BMPR2: variants seen among roughly 807,000 people sequenced by gnomAD.
The protein encoded by BMPR2 is bone morphogenetic protein receptor type-2.
Under a neutral mutation model 100.8 loss-of-function variants are expected in BMPR2, and 29 were observed. That is an observed-to-expected ratio of 0.29 (90% CI 0.21 to 0.39). The LOEUF is 0.39. Among genes scored for constraint, BMPR2 ranks in the 10% least tolerant of loss-of-function variants. BMPR2 has a pLI of 1.00. For synonymous variants in BMPR2, 382 were observed against 442.3 expected, an observed-to-expected ratio of 0.86 and a Z score of 1.71; for missense variants, 1,011 against 1,274.5, an observed-to-expected ratio of 0.79 and a Z score of 3.15.
At chr2:202,412,868 TAAGGC>T (rs1295993157) in intron 1 of BMPR2, among the ~76,000 whole-genome samples, 1 of 152,184 alleles carries the variant, frequency 6.6e-6, no homozygotes, top group Non-Finnish European at 1.5e-5. Flanking sequence ...AATATGAAAT[TAAGGC>T]AGGAAGAGGA....
At chr2:202,387,282 C>T (rs1215428162) in intron 1 of BMPR2, among the ~76,000 whole-genome samples, 1 of 152,174 alleles carries the variant, frequency 6.6e-6, no homozygotes, top group East Asian at 1.9e-4. Context: ...TGAAGAGACA[C>T]ATGAGCATTT....
chr2:202,499,906 C>T (rs1159497933), intron 3 of BMPR2, among the ~76,000 whole-genome samples: 1 of 152,182 alleles, frequency 6.6e-6, no homozygotes, highest in African/African-American at 2.4e-5. Context: ...GTAGGCCAAT[C>T]ACCTGGTAGG....
chr2:202,521,883 G>A (rs1687824744), intron 7 of BMPR2, among the ~76,000 whole-genome samples: 1 of 152,138 alleles, frequency 6.6e-6, no homozygotes. Flanking sequence ...TGGCTGGCAT[G>A]GTGACTCATG....
At chr2:202,510,981 A>AG (rs1196673883) in intron 3 of BMPR2, among the ~76,000 whole-genome samples, 1 of 130,130 alleles carries the variant, frequency 7.7e-6, no homozygotes, top group East Asian at 2.3e-4. Context: ...ACCTGGCTTT[A>AG]GTTTTTTTTT....
intron 11 of BMPR2, among the ~76,000 whole-genome samples, chr2:202,554,527 T>C (rs1688529975): frequency 6.6e-6 from 1 of 152,046 alleles, no homozygotes; most frequent in Non-Finnish European, 1.5e-5. Flanking sequence ...GTATAACAAT[T>C]TTTTTTTCTT....
chr2:202,461,496 C>T (rs373547633), intron 1 of BMPR2, among the ~76,000 whole-genome samples: 8 of 152,016 alleles, frequency 5.3e-5, no homozygotes, highest in African/African-American at 1.9e-4. Context: ...AAAAAAAGAA[C>T]AATACTTAGA....
At chr2:202,410,540 C>T (rs1469215953) in intron 1 of BMPR2, among the ~76,000 whole-genome samples, 1 of 152,052 alleles carries the variant, frequency 6.6e-6, no homozygotes, top group African/African-American at 2.4e-5. Context: ...TCAGTGAGTC[C>T]ATACTAATAT....
intron 3 of BMPR2, among the ~76,000 whole-genome samples, chr2:202,513,066 G>A (rs985800579): frequency 6.6e-5 from 10 of 151,312 alleles, no homozygotes; most frequent in African/African-American, 2.4e-4. Flanking sequence ...CTGGGCCCAA[G>A]CAATCCTCCT....
chr2:202,499,969 G>C (rs940880675), intron 3 of BMPR2, among the ~76,000 whole-genome samples: 4 of 152,178 alleles, frequency 2.6e-5, no homozygotes, highest in African/African-American at 9.6e-5. Flanking sequence ...TGTCCAATGA[G>C]AAAGAAGCTG....
chr2:202,408,900 A>G (rs1379817409), intron 1 of BMPR2, among the ~76,000 whole-genome samples: 2 of 152,152 alleles, frequency 1.3e-5, no homozygotes, highest in Non-Finnish European at 2.9e-5. Context: ...ATATTATTGT[A>G]TTCTATGTCT....
intron 9 of BMPR2, among the ~76,000 whole-genome samples, chr2:202,533,769 G>A (rs1389685408): frequency 6.6e-6 from 1 of 152,164 alleles, no homozygotes. Flanking sequence ...GTTGCAGTGA[G>A]CTGAGATCAC....
intron 1 of BMPR2, among the ~76,000 whole-genome samples, chr2:202,395,916 A>G (rs1690648470): frequency 2.0e-5 from 3 of 152,172 alleles, no homozygotes; most frequent in Non-Finnish European, 4.4e-5. Flanking sequence ...CAGCCTGGGC[A>G]ACAAGAGTGA....
chr2:202,489,087 T>C (rs6435154), intron 3 of BMPR2, among the ~76,000 whole-genome samples: 120,944 of 151,272 alleles, frequency 0.8, 48,345 homozygotes, highest in Non-Finnish European at 0.82. Flanking sequence ...CTGCAACCTC[T>C]GCCTCCTGGG....
Position 202,560,045 on chromosome 2 carries a change from G to T in BMPR2, c.*99G>T. On this transcript the variant is annotated 3_prime_UTR_variant, in exon 13 of 13. Coordinates refer to ENST00000374580, the MANE Select transcript of BMPR2 (RefSeq NM_001204.7). ...AAAAAACTGCTTTATCCTCCTGTCAGCACCCCCTCCCACCCCTGCAACAAA... is the reference window on the plus strand; with the variant it reads ...AAAAAACTGCTTTATCCTCCTGTCATCACCCCCTCCCACCCCTGCAACAAA... 1 of 1,469,170 alleles carries T rather than the reference G, an allele frequency of 6.8e-7. No homozygotes were observed. Among genetic ancestry groups the T allele is most frequent in the South Asian group, 1.2e-5 (1 of 82,756 alleles). 91.0% of individuals were successfully genotyped at this position (1,469,170 alleles called of 1,614,324 possible).
In BMPR2 at chr2:202,503,811, C is replaced by T. The variant is rs1687459226; in HGVS notation, c.419-9908C>T. On this transcript the variant is annotated intron_variant, in intron 3 of 12. Coordinates refer to ENST00000374580, the MANE Select transcript of BMPR2 (RefSeq NM_001204.7). This position sits in a 1 kb window ranked among gnomAD's most constrained non-coding sequence, Gnocchi z 4.0. ...ACCTGCAGCCCAGGTGTGGGATCCA[C>T]TGGGTGAAGCCAGCTGGGCTCCTGA... Among the ~76,000 whole-genome samples the T allele has an allele frequency of 6.6e-6, 1 of 152,246 alleles. No homozygotes were observed. Among genetic ancestry groups the T allele is most frequent in the Non-Finnish European group, 1.5e-5 (1 of 68,040 alleles).
intron 3 of BMPR2, among the ~76,000 whole-genome samples, chr2:202,476,239 C>G (rs548915336): frequency 1.3e-5 from 2 of 149,362 alleles, no homozygotes; most frequent in South Asian, 4.3e-4. Context: ...TTTTTATTGT[C>G]TTTTTAGGAT....
chr2:202,520,282 A>T, intron 7 of BMPR2, 81 bp downstream of exon 7: 1 of 915,152 alleles, frequency 1.1e-6, no homozygotes, highest in Non-Finnish European at 1.8e-6. Context: ...TCTTCAAAGT[A>T]AAAGTATAAT....
rs1049571296 is a variant in BMPR2, at chr2:202,382,213, T to C, written c.76+4663T>C. 9.1e-4 allele frequency among the ~76,000 whole-genome samples: 139 copies of C among 152,006 alleles called. 1 individual carries two copies. Among genetic ancestry groups the C allele is most frequent in the African/African-American group, 3.2e-3 (131 of 41,458 alleles). ...TAGCTGGGATTATAGGTGTGCACCA[T>C]CATGCCTGGTTAATTTTTGTATTTT... On this transcript the variant is annotated intron_variant, in intron 1 of 12. Transcript: ENST00000374580.
At chr2:202,484,438 G>T (rs544993594) in intron 3 of BMPR2, among the ~76,000 whole-genome samples, 10 of 152,130 alleles carry the variant, frequency 6.6e-5, no homozygotes, top group African/African-American at 2.4e-4. Context: ...ACTTTGGGAG[G>T]CCGAGGCGGG....
Sources: gnomAD v4.1 joint callset for allele counts (sites outside exome capture counted in the v4.1 genomes callset) on GRCh38, gnomAD v4.1.1 for gene constraint, Gnocchi (gnomAD v3.1) non-coding constraint, MANE v1.5 for transcripts, NCBI Gene and HGNC (gene_info 2026-07-23, HGNC 2026-07-21) for gene names.